The following IGDCC4 variants were observed in gnomAD, a reference collection of about 807,000 sequenced individuals.
IGDCC4 encodes the protein immunoglobulin superfamily DCC subclass member 4, also known as likely ortholog of mouse neighbor of Punc E11.
In IGDCC4, 72 loss-of-function variants were observed where a neutral mutation model predicts 116.6. That is an observed-to-expected ratio of 0.62 (90% confidence interval 0.51 to 0.75). The LOEUF (loss-of-function observed/expected upper bound fraction) is 0.75. Ranked by LOEUF, IGDCC4 falls within the 30% of genes least tolerant of loss-of-function variation. The pLI, the probability that IGDCC4 is intolerant of heterozygous loss-of-function variation, is 0.00. For synonymous variants in IGDCC4, 709 were observed against 719.9 expected, an observed-to-expected ratio of 0.98 and a Z score of 0.24; for missense variants, 1,501 against 1,662.4, an observed-to-expected ratio of 0.90 and a Z score of 1.69.
chr15:65,396,074 G>A lies in IGDCC4; in HGVS notation c.1087C>T (p.Arg363Trp). The change falls in exon 7 of 20, where the codon CGG (arginine) becomes TGG (tryptophan). Residue 363 changes from arginine to tryptophan, a missense_variant. Transcript: ENST00000352385. ...TTGTGCAGCCAGCGCAGCGCTGGCC[G>A]CGGCTCCCCCGACGCGCGGCACACG... ...RFVCRASGEPRPALRWLHNGA... is the reference protein window; with the variant it reads ...RFVCRASGEPWPALRWLHNGA... 1 of 1,387,220 alleles carries A rather than the reference G, an allele frequency of 7.2e-7. No individual in the cohort carries two copies. The highest frequency in any genetic ancestry group is 9.3e-7 in the Non-Finnish European group (1 of 1,078,428). The allele number at this position is 1,387,220 out of a possible 1,614,324, so 85.9% of individuals were successfully genotyped here.
intron 5 of IGDCC4, 59 bp downstream of exon 5, chr15:65,400,747 A>G: frequency 6.5e-7 from 1 of 1,542,738 alleles, no homozygotes; most frequent in Admixed American, 1.9e-5. Context: ...ACTTAGGGGC[A>G]TGTGAGATGC....
intron 13 of IGDCC4, 143 bp from the exon 14 acceptor site, chr15:65,389,554 T>A: frequency 1.8e-6 from 2 of 1,084,922 alleles, no homozygotes; most frequent in Non-Finnish European, 2.7e-6. Context: ...TGGAGGCGAC[T>A]ACCACCACCC....
In IGDCC4 at chr15:65,411,001, G is replaced by A. The variant is rs763761574; in HGVS notation, c.421+19C>T. 46 of 1,582,570 alleles carry A rather than the reference G, an allele frequency of 2.9e-5. No individual in the cohort carries two copies. Among genetic ancestry groups the A allele is most frequent in the Admixed American group, 5.2e-5 (3 of 58,220 alleles). On this transcript the variant is annotated intron_variant, in intron 2 of 19. Coordinates refer to ENST00000352385, the MANE Select transcript of IGDCC4 (RefSeq NM_020962.3). Reference sequence around the variant, plus strand: ...GTCTGGGTTTCAGCCTCAGACCCCCGCCCGATGCAAGCACTTACTGGCAAG... The same window carrying A: ...GTCTGGGTTTCAGCCTCAGACCCCCACCCGATGCAAGCACTTACTGGCAAG...
At chr15:65,385,551 C>T in intron 18 of IGDCC4, 2 of 575,234 alleles carry the variant, frequency 3.5e-6, no homozygotes, top group Non-Finnish European at 6.2e-6. Context: ...GTCTCCCCAG[C>T]TCCAGGGATG....
intron 1 of IGDCC4, among the ~76,000 whole-genome samples, chr15:65,415,079 C>G (rs2063130564): frequency 6.6e-6 from 1 of 152,204 alleles, no homozygotes; most frequent in Non-Finnish European, 1.5e-5. Context: ...CCTTCTATCT[C>G]TAAGGCCCTA....
intron 3 of IGDCC4, among the ~76,000 whole-genome samples, chr15:65,408,839 T>TC (rs5813352): frequency 1.7e-4 from 6 of 35,890 alleles, no homozygotes; most frequent in East Asian, 6.0e-3. Flanking sequence ...TGTCTCTCTC[T>TC]TTTTTTTTTT....
rs569557183 is a variant in IGDCC4, at chr15:65,407,047, C to A, written c.563+3131G>T. Among the ~76,000 whole-genome samples, 52 of 152,186 alleles carry A rather than the reference C, an allele frequency of 3.4e-4. No homozygotes were observed. In the South Asian group the frequency reaches 6.0e-3, roughly 18 times the overall value. On this transcript the variant is annotated intron_variant, in intron 3 of 19. Transcript: ENST00000352385. ...CAGACCTCACAGGTTCCGCACCCAGCCACCAAATGACACCTACCAGAGGCC... is the reference window on the plus strand; with the variant it reads ...CAGACCTCACAGGTTCCGCACCCAGACACCAAATGACACCTACCAGAGGCC...
At chr15:65,410,714 C>T in intron 2 of IGDCC4, 1 of 471,206 alleles carries the variant, frequency 2.1e-6, no homozygotes, top group Non-Finnish European at 3.8e-6. Context: ...CAGCTTTGTG[C>T]CTCTGACACA....
At chr15:65,398,707 C>T (rs752064753) in intron 5 of IGDCC4, among the ~76,000 whole-genome samples, 5 of 151,762 alleles carry the variant, frequency 3.3e-5, no homozygotes, top group Admixed American at 1.3e-4. Flanking sequence ...CTGGCTGACA[C>T]GGTGAAACCC....
Position 65,385,039 on chromosome 15 carries a change from C to A in IGDCC4, c.3257G>T (p.Arg1086Leu), listed in dbSNP as rs775740031. The A allele has an allele frequency of 6.2e-7, 1 of 1,604,140 alleles. No individual in the cohort carries two copies. Among genetic ancestry groups the A allele is most frequent in the South Asian group, 1.1e-5 (1 of 90,320 alleles). The stretch of plus-strand genomic sequence containing the variant: ...CAGCAGGGCCCGGGTCAGAGCCGGC[C>A]GGGGGCCTGCCTGGGGCAGCTCACA... Reference protein sequence around the residue: ...AGCELPQAGPRPALTRALLPP... With the variant: ...AGCELPQAGPLPALTRALLPP... Residue 1086 changes from arginine to leucine, a missense_variant, in exon 19 of 20, where the codon CGG becomes CTG. Physicochemically the swap from Arg to Leu is moderately radical, Grantham distance 102. Around this residue, in one of 3 missense-constraint regions of IGDCC4, gnomAD observed 368 missense variants for 355.6 expected, o/e 1.03. Coordinates refer to ENST00000352385, the MANE Select transcript of IGDCC4 (RefSeq NM_020962.3).
intron 13 of IGDCC4, 127 bp from the exon 14 acceptor site, chr15:65,389,538 C>A: frequency 7.4e-7 from 1 of 1,357,626 alleles, no homozygotes; most frequent in Non-Finnish European, 1.0e-6. Context: ...AAGCTGCTCC[C>A]TGGCCTGGAG....
Position 65,383,837 on chromosome 15 carries a change from T to TG in IGDCC4, c.*171dup, listed in dbSNP as rs1424307530. On this transcript the variant is annotated 3_prime_UTR_variant, in exon 20 of 20. Transcript: ENST00000352385. ...TGTCACATGTGTATCACAAAGAGTA[T>TG]GGGGGGAGTGAATAATCCATGTTTT... 2 of 559,462 alleles carry TG rather than the reference T, an allele frequency of 3.6e-6. No homozygotes were observed. The highest frequency in any genetic ancestry group is 6.6e-5 in the Admixed American group (2 of 30,446). The allele number at this position is 559,462 out of a possible 1,614,324, so 34.7% of individuals were successfully genotyped here.
chr15:65,385,905 C>G lies in IGDCC4; in HGVS notation c.3106G>C (p.Val1036Leu). ...CTGTGCACTTCAGCCCTGTCCTCCA[C>G]GTCTGAGGGTGGCGGGGACCAGTCC... ...PQDWSPPPSD[V>L]EDRAEVHSLM... The change falls in exon 18 of 20, where the codon GTG becomes CTG. Residue 1036 changes from valine to leucine, a missense_variant. Val to Leu is a conservative substitution (Grantham distance 32). This residue lies in a region of IGDCC4 where 368 missense variants were observed against 355.6 expected (regional missense o/e 1.03). Transcript: ENST00000352385. 6.2e-7 allele frequency: 1 copy of G among 1,612,568 alleles called. No individual in the cohort carries two copies. Among genetic ancestry groups the G allele is most frequent in the Non-Finnish European group, 8.5e-7 (1 of 1,179,986 alleles).
rs1464405899 is a variant in IGDCC4, at chr15:65,388,878, C to G, written c.2637G>C (p.Val879=). The change falls in exon 15 of 20, where the codon GTG becomes GTC. Residue 879 remains valine (V), a synonymous_variant. Transcript: ENST00000352385. ...TGCTGCTGTACAGGATCAGATACTC[C>G]ACGATCTCCCCGTTGGGCTCTGTGG... ...CPPTEPNGEI[V]EYLILYSSNH... The G allele has an allele frequency of 6.2e-7, 1 of 1,614,026 alleles. No homozygotes were observed. Among genetic ancestry groups the G allele is most frequent in the African/African-American group, 1.3e-5 (1 of 75,028 alleles).
rs201602665 is a variant in IGDCC4 at position 65,390,136 on chromosome 15, T to C, written c.2408+19A>G. 970 of 1,547,074 alleles carry C rather than the reference T, an allele frequency of 6.3e-4. 1 individual carries two copies. The highest frequency in any genetic ancestry group is 4.1e-3 in the African/African-American group (303 of 73,826). ...ATTCTTCCTCCCTTCTTTACATTAG[T>C]AAAGGCATTAGTCCCCACCTGGTGT... On this transcript the variant is annotated intron_variant, in intron 13 of 19. Transcript: ENST00000352385.
intron 17 of IGDCC4, 83 bp from the exon 18 acceptor site, chr15:65,386,142 TG>T: frequency 1.1e-6 from 1 of 881,786 alleles, no homozygotes; most frequent in Non-Finnish European, 1.7e-6. Flanking sequence ...CCTATGTCTC[TG>T]GGGAGGTTCC....
intron 5 of IGDCC4, among the ~76,000 whole-genome samples, chr15:65,399,235 C>T (rs1595784918): frequency 1.3e-5 from 2 of 152,212 alleles, no homozygotes; most frequent in East Asian, 3.9e-4. Flanking sequence ...CCTTGGGAGG[C>T]CAAAATGGGT....
rs2063089569 is a variant in IGDCC4, at chr15:65,411,201, C to T, written c.240G>A (p.Leu80=). Reference sequence around the variant, plus strand: ...GCAGCAGGTGTAAGTGGTCGTGCTCCAGCAGGGTGTCCCCATCCTTGCTCC... The same window carrying T: ...GCAGCAGGTGTAAGTGGTCGTGCTCTAGCAGGGTGTCCCCATCCTTGCTCC... ...VTWSKDGDTL[L]EHDHLHLLPN... The change falls in exon 2 of 20, where the codon CTG becomes CTA. Residue 80 remains leucine, a synonymous_variant. Coordinates refer to ENST00000352385, the MANE Select transcript of IGDCC4 (RefSeq NM_020962.3). 1.2e-6 allele frequency: 2 copies of T among 1,614,208 alleles called. No homozygotes were observed. Among genetic ancestry groups the T allele is most frequent in the Non-Finnish European group, 1.7e-6 (2 of 1,180,028 alleles).
At chr15:65,385,137 A>T in intron 18 of IGDCC4, 22 bp from the exon 19 acceptor site, 1 of 1,556,508 alleles carries the variant, frequency 6.4e-7, no homozygotes, top group African/African-American at 1.4e-5. Context: ...AAAGAAGGGG[A>T]CAGTAAGGGG....
Sources: gnomAD v4.1 joint callset for allele counts (sites outside exome capture counted in the v4.1 genomes callset) on GRCh38, gnomAD v4.1.1 for gene constraint, gnomAD v4.1.1 regional missense constraint, MANE v1.5 for transcripts, NCBI Gene and HGNC (gene_info 2026-07-23, HGNC 2026-07-21) for gene names.